The following ROBO1 variants were observed in gnomAD, a reference collection of about 807,000 sequenced individuals.
ROBO1 encodes the protein roundabout guidance receptor 1, also known as roundabout homolog 1.
ROBO1 carries 149 observed loss-of-function variants against 195.9 expected under a neutral mutation model. The observed-to-expected ratio is 0.76, with a 90% CI of 0.67 to 0.87. The LOEUF (loss-of-function observed/expected upper bound fraction) is 0.87, where lower values mean the gene tolerates loss of function less well. Among genes scored for constraint, ROBO1 ranks in the 40% least tolerant of loss-of-function variants. ROBO1 has a pLI of 0.00. For synonymous variants in ROBO1, 816 were observed against 733.2 expected (o/e 1.11, Z -1.82); for missense variants, 1,933 against 2,068.3 (o/e 0.93, Z 1.27).
At chr3:78,779,938 A>G (rs912216588) in intron 4 of ROBO1, among the ~76,000 whole-genome samples, 5 of 152,210 alleles carry the variant, frequency 3.3e-5, no homozygotes, top group African/African-American at 1.2e-4. Context: ...AAAAAGAATG[A>G]GTTCATGTCC....
At chr3:79,267,657 C>A (rs766551355) in intron 2 of ROBO1, among the ~76,000 whole-genome samples, 10 of 150,502 alleles carry the variant, frequency 6.6e-5, no homozygotes, top group South Asian at 2.1e-4. Flanking sequence ...TTGAAGTTTT[C>A]TTTTTCCACT....
chr3:79,004,951 C>A (rs1305164412), intron 3 of ROBO1, among the ~76,000 whole-genome samples: 2 of 152,172 alleles, frequency 1.3e-5, no homozygotes, highest in Non-Finnish European at 2.9e-5. Flanking sequence ...ATCATCAAAG[C>A]TCAGACAAAT....
At chr3:79,036,530 G>T (rs886212212) in intron 3 of ROBO1, among the ~76,000 whole-genome samples, 1 of 151,936 alleles carries the variant, frequency 6.6e-6, no homozygotes, top group Non-Finnish European at 1.5e-5. Context: ...TATGTAGATG[G>T]TCTTACACAA....
chr3:79,234,459 T>A (rs2082373957), intron 2 of ROBO1, among the ~76,000 whole-genome samples: 1 of 152,004 alleles, frequency 6.6e-6, no homozygotes, highest in South Asian at 2.1e-4. Flanking sequence ...CTAATAGCAA[T>A]CTCATTGCTA....
intron 3 of ROBO1, among the ~76,000 whole-genome samples, chr3:78,968,878 C>T (rs1399692914): frequency 6.6e-6 from 1 of 152,130 alleles, no homozygotes; most frequent in Non-Finnish European, 1.5e-5. Context: ...CACAAATAGG[C>T]ACCAGTGTTT....
chr3:79,033,770 A>G (rs139528757), intron 3 of ROBO1, among the ~76,000 whole-genome samples: 151 of 152,138 alleles, frequency 9.9e-4, no homozygotes, highest in South Asian at 8.9e-3. Flanking sequence ...TTTATTTTAT[A>G]TTTTCAATAG....
chr3:78,943,265 T>G lies in ROBO1; in HGVS notation c.173-4338A>C, dbSNP rs1364976064. 2.0e-5 allele frequency among the ~76,000 whole-genome samples: 3 copies of G among 152,194 alleles called. No homozygotes were observed. In the East Asian group the frequency reaches 5.8e-4, roughly 29 times the overall value. ...TTTTGTTTTGTTTTGTTTTTAAGTC[T>G]AGAGAGATGATGTACAGGAAGTAAT... On this transcript the variant is annotated intron_variant, in intron 3 of 30. Coordinates refer to ENST00000464233, the MANE Select transcript of ROBO1 (RefSeq NM_002941.4).
intron 3 of ROBO1, among the ~76,000 whole-genome samples, chr3:79,050,034 A>G (rs1186623207): frequency 6.6e-6 from 1 of 152,188 alleles, no homozygotes; most frequent in Non-Finnish European, 1.5e-5. Flanking sequence ...GATTAAATTC[A>G]CACATAACAA....
intron 3 of ROBO1, among the ~76,000 whole-genome samples, chr3:78,980,550 C>T (rs184912044): frequency 3.9e-5 from 6 of 152,312 alleles, no homozygotes; most frequent in Admixed American, 1.3e-4. Flanking sequence ...CTATCTTCAT[C>T]ACAGGTTTCC....
In ROBO1 at chr3:79,570,411, T is replaced by C. The variant is rs578175006; in HGVS notation, c.88+19413A>G. ...TAACAAACTGGATTACTAGAAGCAC[T>C]CTCACATCCTCAAATATTGATTGTC... is the stretch of plus-strand genomic sequence containing the variant. On this transcript the variant is annotated intron_variant, in intron 2 of 30. Coordinates refer to ENST00000464233, the MANE Select transcript of ROBO1 (RefSeq NM_002941.4). Among the ~76,000 whole-genome samples, 7 of 152,252 alleles carry C rather than the reference T, an allele frequency of 4.6e-5. No individual in the cohort carries two copies. In the South Asian group the frequency reaches 1.5e-3, roughly 32 times the overall value.
Position 78,971,741 on chromosome 3 carries a change from ATTT to A in ROBO1, c.173-32817_173-32815del, listed in dbSNP as rs563155914. Among the ~76,000 whole-genome samples the A allele has an allele frequency of 6.9e-4, 104 of 151,370 alleles. No individual in the cohort carries two copies. In the Middle Eastern group the frequency reaches 0.024, roughly 35 times the overall value. ...TACTTTGTACTGACATCTTTTAAAT[ATTT>A]TTTTTGTTGTTGTTGTTGTTGTTTG... On this transcript the variant is annotated intron_variant, in intron 3 of 30. Coordinates refer to ENST00000464233, the MANE Select transcript of ROBO1 (RefSeq NM_002941.4).
chr3:79,432,304 A>T (rs1288443138), intron 2 of ROBO1, among the ~76,000 whole-genome samples: 1 of 151,968 alleles, frequency 6.6e-6, no homozygotes, highest in Non-Finnish European at 1.5e-5. Context: ...CCTCATATTT[A>T]TTCCAGTTTA....
intron 2 of ROBO1, among the ~76,000 whole-genome samples, chr3:79,442,260 G>A (rs537576293): frequency 1.3e-5 from 2 of 152,156 alleles, no homozygotes; most frequent in East Asian, 3.9e-4. Context: ...TTATCAGCCT[G>A]TATTGAGTAG....
intron 3 of ROBO1, among the ~76,000 whole-genome samples, chr3:78,985,446 T>C (rs563076853): frequency 6.6e-6 from 1 of 152,286 alleles, no homozygotes; most frequent in African/African-American, 2.4e-5. Context: ...AGTAATTACA[T>C]TTTCAAGGAG....
chr3:78,648,336 A>G (rs1280556570), intron 19 of ROBO1, among the ~76,000 whole-genome samples: 4 of 152,052 alleles, frequency 2.6e-5, no homozygotes, highest in African/African-American at 9.7e-5. Context: ...GACAGAAAAA[A>G]CTGGAGTTTT....
chr3:79,543,842 T>C (rs539018372), intron 2 of ROBO1, among the ~76,000 whole-genome samples: 10 of 152,254 alleles, frequency 6.6e-5, no homozygotes, highest in African/African-American at 2.4e-4. Flanking sequence ...CAATGCAAGG[T>C]ACTTATGTGT....
chr3:78,929,123 T>C (rs899594404), intron 4 of ROBO1, among the ~76,000 whole-genome samples: 2 of 152,168 alleles, frequency 1.3e-5, no homozygotes, highest in African/African-American at 4.8e-5. Flanking sequence ...TTATTTCTCC[T>C]GACAAATGTA....
intron 3 of ROBO1, among the ~76,000 whole-genome samples, chr3:78,962,923 C>G (rs1443547817): frequency 6.6e-6 from 1 of 151,546 alleles, no homozygotes; most frequent in Non-Finnish European, 1.5e-5. Context: ...TATTATTACC[C>G]CTTGCCCAAG....
Position 78,633,428 on chromosome 3 carries a change from C to T in ROBO1, c.3481+507G>A, listed in dbSNP as rs532536801. Among the ~76,000 whole-genome samples, 6 of 152,184 alleles carry T rather than the reference C, an allele frequency of 3.9e-5. No individual in the cohort carries two copies. In the South Asian group the frequency reaches 1.2e-3, roughly 32 times the overall value. On this transcript the variant is annotated intron_variant, in intron 24 of 30. Transcript: ENST00000464233. ...AGACTGAGGTTGGGAGGTTGCTTTACGAGGCTTCAGAGCAAGAACTGAGGG... is the reference window on the plus strand; with the variant it reads ...AGACTGAGGTTGGGAGGTTGCTTTATGAGGCTTCAGAGCAAGAACTGAGGG...
Sources: allele counts gnomAD v4.1 joint callset (sites outside exome capture counted in the v4.1 genomes callset), GRCh38; gene constraint gnomAD v4.1.1; transcripts MANE v1.5; gene names NCBI Gene and HGNC (gene_info 2026-07-23, HGNC 2026-07-21).